The following L2HGDH variants were observed in gnomAD, a reference collection of about 807,000 sequenced individuals.
The protein encoded by L2HGDH is L-2-hydroxyglutarate dehydrogenase, mitochondrial.
In L2HGDH, 34 loss-of-function variants were observed where a neutral mutation model predicts 51.5. That is an observed-to-expected ratio of 0.66 (90% confidence interval 0.50 to 0.88). The LOEUF is 0.88. Ranked by LOEUF, L2HGDH falls within the 40% of genes least tolerant of loss-of-function variation. The pLI is 0.00. For missense variants in L2HGDH, 558 were observed against 571.9 expected (o/e 0.98, Z 0.25); for synonymous variants, 198 against 197.9 (o/e 1.00, Z -0.01).
At chr14:50,284,163 A>G (rs1890434480) in intron 4 of L2HGDH, 130 bp from the exon 5 acceptor site, 1 of 791,442 alleles carries the variant, frequency 1.3e-6, no homozygotes, top group Non-Finnish European at 2.1e-6. Context: ...TGCTGCTACA[A>G]TGAGTTTTTC....
chr14:50,258,087 A>G (rs1888782642), intron 9 of L2HGDH, among the ~76,000 whole-genome samples: 1 of 151,286 alleles, frequency 6.6e-6, no homozygotes, highest in Non-Finnish European at 1.5e-5. Context: ...AAAAAAAAAA[A>G]AAGAAAAAGA....
chr14:50,295,571 A>G (rs1467002978), intron 3 of L2HGDH, among the ~76,000 whole-genome samples: 1 of 130,538 alleles, frequency 7.7e-6, no homozygotes, highest in Non-Finnish European at 1.6e-5. Context: ...ACACTCGGCT[A>G]ATTTTTTTTT....
At chr14:50,274,787 G>T (rs115060744) in intron 6 of L2HGDH, among the ~76,000 whole-genome samples, 343 of 152,242 alleles carry the variant, frequency 2.3e-3, no homozygotes, top group African/African-American at 8.0e-3. Context: ...ATATTATTCA[G>T]CCATAAAAAG....
intron 9 of L2HGDH, among the ~76,000 whole-genome samples, chr14:50,261,446 A>G (rs1412015529): frequency 2.0e-5 from 3 of 152,202 alleles, no homozygotes; most frequent in Admixed American, 2.0e-4. Context: ...TTAGATTAAC[A>G]TGTCAAAATT....
Position 50,242,464 on chromosome 14 carries a change from TTCCCATAAGCAGAAAATA to T in L2HGDH, c.*4576_*4593del. ...ATAAGATAACTTTAATGTGAGATCCTTCCCATAAGCAGAAAATACAAGCAATTAACAACATCAACAACA... is the reference window on the plus strand; with the variant it reads ...ATAAGATAACTTTAATGTGAGATCCTCAAGCAATTAACAACATCAACAACA... On this transcript the variant is annotated 3_prime_UTR_variant, in exon 10 of 10. Coordinates refer to ENST00000267436, the MANE Select transcript of L2HGDH (RefSeq NM_024884.3). The T allele has an allele frequency of 1.0e-6, 1 of 983,172 alleles. No homozygotes were observed. The highest frequency in any genetic ancestry group is 1.2e-6 in the Non-Finnish European group (1 of 827,848). The allele number at this position is 983,172 out of a possible 1,614,324, so 60.9% of individuals were successfully genotyped here. A position where few individuals can be genotyped will look rare whatever the true frequency, so the allele number is the denominator to read the frequency against.
At chr14:50,287,395 C>T in intron 4 of L2HGDH, 1 of 668,126 alleles carries the variant, frequency 1.5e-6, no homozygotes, top group Non-Finnish European at 1.8e-6. Context: ...CATTAGGATA[C>T]CAGTAATCCT....
chr14:50,305,990 A>T (rs1235142482), intron 1 of L2HGDH, among the ~76,000 whole-genome samples: 11 of 150,520 alleles, frequency 7.3e-5, no homozygotes, highest in Non-Finnish European at 2.9e-5. Flanking sequence ...TTTGATCCAT[A>T]GTTGGTTGAA....
rs981192117 is a variant in L2HGDH, at chr14:50,280,456, C to T, written c.704-1902G>A. On this transcript the variant is annotated intron_variant, in intron 5 of 9. Transcript: ENST00000267436. The stretch of plus-strand genomic sequence containing the variant: ...GTGGGATTACAGGCGTGAGCCAACG[C>T]GCCTCCCAGGTCACTGCTTTATATA... Among the ~76,000 whole-genome samples, 12 of 152,012 alleles carry T rather than the reference C, an allele frequency of 7.9e-5. 1 individual carries two copies. Among genetic ancestry groups the T allele is most frequent in the African/African-American group, 2.4e-4 (10 of 41,398 alleles).
intron 1 of L2HGDH, among the ~76,000 whole-genome samples, chr14:50,305,732 T>C (rs1040835029): frequency 6.6e-6 from 1 of 152,252 alleles, no homozygotes; most frequent in Non-Finnish European, 1.5e-5. Context: ...AATCATATTT[T>C]ATATACAGTC....
chr14:50,269,739 C>T (rs1222495763), intron 6 of L2HGDH, among the ~76,000 whole-genome samples: 2 of 152,040 alleles, frequency 1.3e-5, no homozygotes, highest in East Asian at 1.9e-4. Context: ...TGCTCCCCCA[C>T]CCACCCCACA....
intron 1 of L2HGDH, 31 bp downstream of exon 1, chr14:50,311,980 C>T: frequency 1.3e-6 from 2 of 1,547,010 alleles, no homozygotes; most frequent in South Asian, 2.4e-5. Flanking sequence ...GGCAGCAGCG[C>T]AGGCGGCGGG....
rs930391692 is a variant in L2HGDH at position 50,243,032 on chromosome 14, T to C, written c.*4026A>G. Reference sequence around the variant, plus strand: ...TATACCCCATTCTCACCACCATCCTTTGAAGAAAGTTCTAAGAGTTAAGGT... The same window carrying C: ...TATACCCCATTCTCACCACCATCCTCTGAAGAAAGTTCTAAGAGTTAAGGT... On this transcript the variant is annotated 3_prime_UTR_variant, in exon 10 of 10. Transcript: ENST00000267436. The C allele has an allele frequency of 1.0e-6, 1 of 985,434 alleles. No individual in the cohort carries two copies. Among genetic ancestry groups the C allele is most frequent in the Non-Finnish European group, 1.2e-6 (1 of 829,938 alleles). The allele number at this position is 985,434 out of a possible 1,614,324, so 61.0% of individuals were successfully genotyped here. A position where few individuals can be genotyped will look rare whatever the true frequency, so the allele number is the denominator to read the frequency against.
rs538070061 is a variant in L2HGDH at position 50,271,218 on chromosome 14, T to C, written c.739-1888A>G. ...CATCTAGAGTTATATTCTAGAAATA[T>C]GAGAAGTATTTTTGTGATATAAATC... is the stretch of plus-strand genomic sequence containing the variant. On this transcript the variant is annotated intron_variant, in intron 6 of 9. Coordinates refer to ENST00000267436, the MANE Select transcript of L2HGDH (RefSeq NM_024884.3). 1.3e-4 allele frequency among the ~76,000 whole-genome samples: 20 copies of C among 152,346 alleles called. 1 individual carries two copies. Among genetic ancestry groups the C allele is most frequent in the Middle Eastern group, 3.4e-3 (1 of 294 alleles).
At chr14:50,260,391 C>G (rs8013174) in intron 9 of L2HGDH, among the ~76,000 whole-genome samples, 87,127 of 151,986 alleles carry the variant, frequency 0.57, 25,020 homozygotes, top group East Asian at 0.66. Flanking sequence ...CTTGTTCTGA[C>G]TGGTGGATAT....
chr14:50,267,485 CT>C (rs1224390892), intron 8 of L2HGDH, among the ~76,000 whole-genome samples: 1 of 152,020 alleles, frequency 6.6e-6, no homozygotes, highest in East Asian at 1.9e-4. Context: ...CCCAGCCAGC[CT>C]TTTCTTTTTA....
intron 9 of L2HGDH, among the ~76,000 whole-genome samples, chr14:50,249,131 C>G (rs1204267144): frequency 2.0e-5 from 3 of 152,206 alleles, no homozygotes; most frequent in Non-Finnish European, 2.9e-5. Context: ...CCCAGCTAGA[C>G]AGGAAGCATC....
Position 50,245,647 on chromosome 14 carries a change from A to G in L2HGDH, c.*1411T>C, listed in dbSNP as rs1445922262. 23 of 981,964 alleles carry G rather than the reference A, an allele frequency of 2.3e-5. No homozygotes were observed. The highest frequency in any genetic ancestry group is 2.4e-5 in the Non-Finnish European group (20 of 826,870). The allele number at this position is 981,964 out of a possible 1,614,324, so 60.8% of individuals were successfully genotyped here. On this transcript the variant is annotated 3_prime_UTR_variant, in exon 10 of 10. Transcript: ENST00000267436. ...AGTTTTGTGACTCTTCAAAATTAAA[A>G]GAATGTAACCTACAATATAATGTAT...
chr14:50,299,686 G>C, intron 3 of L2HGDH, among the ~76,000 whole-genome samples: 1 of 152,130 alleles, frequency 6.6e-6, no homozygotes, highest in Non-Finnish European at 1.5e-5. Flanking sequence ...AATCAATCAA[G>C]GTGACACATC....
chr14:50,310,199 G>T (rs377523386), intron 1 of L2HGDH, among the ~76,000 whole-genome samples: 1 of 152,030 alleles, frequency 6.6e-6, no homozygotes, highest in Non-Finnish European at 1.5e-5. Context: ...TAAATGGGGT[G>T]AAGGGTACAT....
Sources: allele counts gnomAD v4.1 joint callset (sites outside exome capture counted in the v4.1 genomes callset), GRCh38; gene constraint gnomAD v4.1.1; transcripts MANE v1.5; gene names NCBI Gene and HGNC (gene_info 2026-07-23, HGNC 2026-07-21).